The following TMEM181 variants were observed in gnomAD, a reference collection of about 807,000 sequenced individuals.
TMEM181 encodes transmembrane protein 181, also known as G protein-coupled receptor 178.
TMEM181 carries 39 observed loss-of-function variants against 71.9 expected under a neutral mutation model. That is an observed-to-expected ratio of 0.54 (90% CI 0.42 to 0.71). The LOEUF (loss-of-function observed/expected upper bound fraction) is 0.71. Ranked by LOEUF, TMEM181 falls within the 30% of genes least tolerant of loss-of-function variation. TMEM181 has a pLI of 0.00. For missense variants in TMEM181, 595 were observed against 583.0 expected (o/e 1.02, Z -0.21); for synonymous variants, 245 against 228.8 (o/e 1.07, Z -0.64).
chr6:158,630,934 G>C (rs924290099), intron 15 of TMEM181, among the ~76,000 whole-genome samples: 1 of 152,074 alleles, frequency 6.6e-6, no homozygotes, highest in Non-Finnish European at 1.5e-5. Context: ...AATCATGCCC[G>C]TTTTACAGAA....
rs188241600 is a variant in TMEM181, at chr6:158,591,625, C to T, written c.492+1843C>T. Among the ~76,000 whole-genome samples, 340 of 152,046 alleles carry T rather than the reference C, an allele frequency of 2.2e-3. 2 individuals carry two copies. Among genetic ancestry groups the T allele is most frequent in the Admixed American group, 6.2e-3 (94 of 15,254 alleles). On this transcript the variant is annotated intron_variant, in intron 6 of 16. Transcript: ENST00000684151. Reference sequence around the variant, plus strand: ...AGCTTAGGCATACTTTGATGTAGTCCTTTGTTAATCATCTGTGCTTTAGAC... The same window carrying T: ...AGCTTAGGCATACTTTGATGTAGTCTTTTGTTAATCATCTGTGCTTTAGAC...
intron 6 of TMEM181, among the ~76,000 whole-genome samples, chr6:158,604,221 A>G (rs1784819252): frequency 6.6e-6 from 1 of 152,092 alleles, no homozygotes; most frequent in Non-Finnish European, 1.5e-5. Context: ...GTTCCCCTCC[A>G]TGATGTGGGG....
chr6:158,564,652 C>A (rs772945591), intron 1 of TMEM181, among the ~76,000 whole-genome samples: 2 of 152,142 alleles, frequency 1.3e-5, no homozygotes, highest in Non-Finnish European at 2.9e-5. Flanking sequence ...TGATTCCACC[C>A]GCACCTGCCA....
chr6:158,542,064 C>T (rs1781373539), intron 1 of TMEM181, among the ~76,000 whole-genome samples: 1 of 151,950 alleles, frequency 6.6e-6, no homozygotes, highest in South Asian at 2.1e-4. Flanking sequence ...CGCCACTATG[C>T]GTGGCTAATT....
At chr6:158,598,176 A>T (rs539201092) in intron 6 of TMEM181, among the ~76,000 whole-genome samples, 1 of 152,040 alleles carries the variant, frequency 6.6e-6, no homozygotes, top group South Asian at 2.1e-4. Flanking sequence ...ACTTGTACTC[A>T]CTTTCCTGTT....
intron 10 of TMEM181, among the ~76,000 whole-genome samples, chr6:158,619,565 T>C (rs1329695320): frequency 6.6e-6 from 1 of 152,140 alleles, no homozygotes; most frequent in African/African-American, 2.4e-5. Flanking sequence ...GTTTTTTGTT[T>C]TGTTTTTGTA....
At chr6:158,540,211 G>T (rs532376842) in intron 1 of TMEM181, among the ~76,000 whole-genome samples, 3 of 151,020 alleles carry the variant, frequency 2.0e-5, no homozygotes, top group Non-Finnish European at 4.4e-5. Flanking sequence ...TTGAATCTCC[G>T]TATCTACACC....
chr6:158,622,210 A>C (rs938978519), intron 10 of TMEM181, among the ~76,000 whole-genome samples: 1 of 152,270 alleles, frequency 6.6e-6, no homozygotes, highest in Non-Finnish European at 1.5e-5. Context: ...TTAGGCTAAT[A>C]ATAACCAATA....
At position 158,538,454 on chromosome 6, in the gene TMEM181, C is replaced by CTT. The variant is rs111437459; in HGVS notation, c.131+1600_131+1601dup. On this transcript the variant is annotated intron_variant, in intron 1 of 16. Coordinates refer to the TMEM181 transcript ENST00000367090. ...ACAGGCGTGAGCCACCATGCCTGGCCTTTTTTTTTTTTCCTGTATTTTCTT... is the reference window on the plus strand; with the variant it reads ...ACAGGCGTGAGCCACCATGCCTGGCCTTTTTTTTTTTTTTCCTGTATTTTCTT... Among the ~76,000 whole-genome samples, 7 of 143,956 alleles carry CTT rather than the reference C, an allele frequency of 4.9e-5. No homozygotes were observed. The East Asian group carries it at 1.2e-3, about 25-fold the overall frequency. The allele number at this position is 143,956 out of a possible 152,430, so 94.4% of individuals were successfully genotyped here.
chr6:158,602,453 T>G (rs2128313266), intron 6 of TMEM181, among the ~76,000 whole-genome samples: 1 of 152,376 alleles, frequency 6.6e-6, no homozygotes, highest in African/African-American at 2.4e-5. Flanking sequence ...CAAACTGTTC[T>G]GCAGAGTGGT....
At chr6:158,610,842 A>T in intron 10 of TMEM181, 1 of 330,492 alleles carries the variant, frequency 3.0e-6, no homozygotes, top group Non-Finnish European at 5.8e-6. Context: ...TGACATACTC[A>T]CACCAAGGAC....
At chr6:158,608,212 TGA>T in intron 8 of TMEM181, 119 bp from the exon 9 acceptor site, 1 of 702,910 alleles carries the variant, frequency 1.4e-6, no homozygotes. Context: ...TGCCAGGTGC[TGA>T]CCCCGCAGAG....
intron 12 of TMEM181, 145 bp from the exon 13 acceptor site, chr6:158,625,555 TCTC>T: frequency 1.4e-6 from 1 of 700,546 alleles, no homozygotes; most frequent in South Asian, 1.9e-5. Flanking sequence ...GGACCAACGT[TCTC>T]CTAGGCTGCT....
At chr6:158,601,739 G>T (rs1023569067) in intron 6 of TMEM181, among the ~76,000 whole-genome samples, 7 of 150,282 alleles carry the variant, frequency 4.7e-5, no homozygotes, top group Non-Finnish European at 8.8e-5. Flanking sequence ...AGCCTGGGTG[G>T]CAGAGCAAGA....
At chr6:158,548,733 C>A (rs1225454370) in intron 1 of TMEM181, among the ~76,000 whole-genome samples, 3 of 152,244 alleles carry the variant, frequency 2.0e-5, no homozygotes, top group African/African-American at 2.4e-5. Context: ...CTTTCTCTAC[C>A]AGGCTGGGTG....
rs750041939 is a variant in TMEM181, at chr6:158,608,733, G to T, written c.879G>T (p.Thr293=). The T allele has an allele frequency of 1.2e-6, 2 of 1,612,778 alleles. No individual in the cohort carries two copies. Among genetic ancestry groups the T allele is most frequent in the African/African-American group, 1.3e-5 (1 of 74,766 alleles). ...GACTATTGTGGTTGGCTTCTGTTACGCTAGGAATATGGCAAACGTGAGTAA... is the reference window on the plus strand; with the variant it reads ...GACTATTGTGGTTGGCTTCTGTTACTCTAGGAATATGGCAAACGTGAGTAA... ...IVGLLWLASV[T]LGIWQTVNEL... is the part of the protein sequence containing the mutation. Residue 293 remains threonine (T), a synonymous_variant, in exon 10 of 17, where the codon ACG becomes ACT. Coordinates refer to ENST00000684151, the MANE Select transcript of TMEM181 (RefSeq NM_001376852.1).
At position 158,620,322 on chromosome 6, in the gene TMEM181, C is replaced by G. The variant is rs1785884415; in HGVS notation, c.897-3228C>G. On this transcript the variant is annotated intron_variant, in intron 10 of 16. Transcript: ENST00000684151. This position sits in a 1 kb window ranked among gnomAD's most constrained non-coding sequence, Gnocchi z 4.5. ...AAACTGGGCGCCCCCAAGATGTCCT[C>G]TAGCTTAGTCCCACTGGTCCTCTGA... Among the ~76,000 whole-genome samples, 1 of 152,182 alleles carries G rather than the reference C, an allele frequency of 6.6e-6. No homozygotes were observed. Among genetic ancestry groups the G allele is most frequent in the Admixed American group, 6.5e-5 (1 of 15,282 alleles).
intron 1 of TMEM181, among the ~76,000 whole-genome samples, chr6:158,548,322 C>G (rs1301835408): frequency 6.6e-6 from 1 of 152,186 alleles, no homozygotes; most frequent in African/African-American, 2.4e-5. Flanking sequence ...GACATGGAAA[C>G]TATTGCTCTA....
intron 12 of TMEM181, 74 bp downstream of exon 12, chr6:158,625,280 C>A: frequency 7.4e-7 from 1 of 1,353,680 alleles, no homozygotes; most frequent in South Asian, 1.2e-5. Context: ...TGGTTGGAGT[C>A]TCCCAAGCCA....
Sources: gnomAD v4.1 joint callset for allele counts (sites outside exome capture counted in the v4.1 genomes callset) on GRCh38, gnomAD v4.1.1 for gene constraint, Gnocchi (gnomAD v3.1) non-coding constraint, MANE v1.5 for transcripts, NCBI Gene and HGNC (gene_info 2026-07-23, HGNC 2026-07-21) for gene names.